The following USP25 variants were observed in gnomAD, a reference collection of about 807,000 sequenced individuals.
The protein encoded by USP25 is ubiquitin carboxyl-terminal hydrolase 25.
Under a neutral mutation model 158.5 loss-of-function variants are expected in USP25, and 85 were observed. The observed-to-expected ratio is 0.54, with a 90% CI of 0.45 to 0.64. USP25 has a LOEUF of 0.64. Ranked by LOEUF, USP25 falls within the 30% of genes least tolerant of loss-of-function variation. USP25 has a pLI of 0.00. For synonymous variants in USP25, 464 were observed against 460.4 expected, an observed-to-expected ratio of 1.01 and a Z score of -0.10; for missense variants, 1,242 against 1,327.3, an observed-to-expected ratio of 0.94 and a Z score of 1.00.
At chr21:15,768,064 T>C (rs559123260) in intron 3 of USP25, among the ~76,000 whole-genome samples, 2 of 152,110 alleles carry the variant, frequency 1.3e-5, no homozygotes, top group Non-Finnish European at 2.9e-5. Context: ...TTTTGTGTGT[T>C]TGTGGATCTC....
rs1311371877 is a variant in USP25 at position 15,843,459 on chromosome 21, T to G, written c.2337+919T>G. ...ATAAGACTTCCTTTAGCCAAAATGTTCAAGAGATATGGTACTCTGTTAATT... is the reference window on the plus strand; with the variant it reads ...ATAAGACTTCCTTTAGCCAAAATGTGCAAGAGATATGGTACTCTGTTAATT... On this transcript the variant is annotated intron_variant, in intron 18 of 25. Transcript: ENST00000400183. This position sits in a 1 kb window ranked among gnomAD's most constrained non-coding sequence, Gnocchi z 4.0. 6.6e-6 allele frequency among the ~76,000 whole-genome samples: 1 copy of G among 152,238 alleles called. No homozygotes were observed. Among genetic ancestry groups the G allele is most frequent in the Non-Finnish European group, 1.5e-5 (1 of 68,030 alleles).
intron 4 of USP25, among the ~76,000 whole-genome samples, chr21:15,787,902 A>ACCCCCCCCCCCCCCCC (rs5842545): frequency 1.9e-4 from 16 of 83,648 alleles, no homozygotes; most frequent in Non-Finnish European, 3.9e-4. Context: ...ACACCCCCTC[A>ACCCCCCCCCCCCCCCC]CCCCCCCCCC....
Position 15,791,533 on chromosome 21 carries a change from G to A in USP25, c.424G>A (p.Ala142Thr). 1 of 1,610,206 alleles carries A rather than the reference G, an allele frequency of 6.2e-7. No individual in the cohort carries two copies. Among genetic ancestry groups the A allele is most frequent in the Non-Finnish European group, 8.5e-7 (1 of 1,177,702 alleles). ...TGAAGCCAGCATAGCAGAGAATAAAGCATGTTTGAAGAGGACACCTACAGA... is the reference window on the plus strand; with the variant it reads ...TGAAGCCAGCATAGCAGAGAATAAAACATGTTTGAAGAGGACACCTACAGA... ...VLEASIAENK[A>T]CLKRTPTEVW... Residue 142 changes from alanine to threonine, a missense_variant, in exon 5 of 26, where the codon GCA becomes ACA. Transcript: ENST00000400183.
chr21:15,867,324 AAAT>A (rs568219834), intron 22 of USP25, among the ~76,000 whole-genome samples: 108 of 152,174 alleles, frequency 7.1e-4, no homozygotes, highest in African/African-American at 2.6e-3. Context: ...TAGATTCCCT[AAAT>A]AATTAGTGTA....
At chr21:15,784,133 A>G (rs1032017525) in intron 4 of USP25, among the ~76,000 whole-genome samples, 3 of 152,236 alleles carry the variant, frequency 2.0e-5, no homozygotes, top group Non-Finnish European at 4.4e-5. Flanking sequence ...AAAACTCATC[A>G]ATATAGGTAA....
At position 15,831,348 on chromosome 21, in the gene USP25, G is replaced by T. The variant is rs530199961; in HGVS notation, c.1765-53G>T. ...TTGTTTGTGGGTTTCATGGAATGTG[G>T]TATATAGTAAACTACATAATTGCAG... On this transcript the variant is annotated intron_variant, in intron 15 of 25. Coordinates refer to ENST00000400183, the MANE Select transcript of USP25 (RefSeq NM_001283041.3). 1.3e-5 allele frequency: 19 copies of T among 1,508,918 alleles called. No individual in the cohort carries two copies. The East Asian group carries it at 3.6e-4, about 29-fold the overall frequency. 93.5% of individuals were successfully genotyped at this position (1,508,918 alleles called of 1,614,324 possible).
intron 20 of USP25, among the ~76,000 whole-genome samples, chr21:15,860,048 G>A (rs1159611081): frequency 6.8e-6 from 1 of 148,060 alleles, no homozygotes; most frequent in Non-Finnish European, 1.5e-5. Flanking sequence ...GAATGCAATG[G>A]CACAGTATCG....
chr21:15,824,823 C>T, intron 11 of USP25, 143 bp from the exon 12 acceptor site: 1 of 611,334 alleles, frequency 1.6e-6, no homozygotes, highest in Non-Finnish European at 2.9e-6. Context: ...ACCATGTTGG[C>T]CAGGCTGGTC....
intron 1 of USP25, among the ~76,000 whole-genome samples, chr21:15,752,051 C>T (rs912290125): frequency 6.6e-6 from 1 of 152,240 alleles, no homozygotes; most frequent in Non-Finnish European, 1.5e-5. Flanking sequence ...TCTCCTGCCT[C>T]AGCCTCCCGA....
chr21:15,858,828 T>C (rs1206157162), intron 20 of USP25, among the ~76,000 whole-genome samples: 1 of 151,972 alleles, frequency 6.6e-6, no homozygotes, highest in African/African-American at 2.4e-5. Flanking sequence ...AGATAAGGGT[T>C]TCCAGCTAAA....
chr21:15,797,869 C>T (rs1447897701), intron 5 of USP25, among the ~76,000 whole-genome samples: 1 of 151,138 alleles, frequency 6.6e-6, no homozygotes, highest in Non-Finnish European at 1.5e-5. Context: ...ATTCATATAA[C>T]TTTTATTACA....
chr21:15,787,694 A>G (rs1203308618), intron 4 of USP25, among the ~76,000 whole-genome samples: 1 of 151,978 alleles, frequency 6.6e-6, no homozygotes, highest in East Asian at 1.9e-4. Flanking sequence ...TTGCTTTTTT[A>G]GGAAATCAAA....
At chr21:15,769,986 TA>T (rs2034262548) in intron 3 of USP25, among the ~76,000 whole-genome samples, 2 of 151,976 alleles carry the variant, frequency 1.3e-5, no homozygotes, top group South Asian at 4.1e-4. Context: ...TCTTTTTTTC[TA>T]AAACACCTTG....
At chr21:15,835,304 G>T (rs915048088) in intron 17 of USP25, among the ~76,000 whole-genome samples, 3 of 152,014 alleles carry the variant, frequency 2.0e-5, no homozygotes, top group Non-Finnish European at 4.4e-5. Flanking sequence ...TCTTCATCCT[G>T]TCTGTTTCTC....
chr21:15,879,378 A>G lies in USP25; in HGVS notation c.*903A>G, dbSNP rs2040211840. 6.6e-6 allele frequency: 1 copy of G among 152,476 alleles called. No individual in the cohort carries two copies. Among genetic ancestry groups the G allele is most frequent in the South Asian group, 2.1e-4 (1 of 4,826 alleles). The allele number at this position is 152,476 out of a possible 1,614,324, so 9.4% of individuals were successfully genotyped here. A position where few individuals can be genotyped will look rare whatever the true frequency, so the allele number is the denominator to read the frequency against. ...TATATATTCTTCATAATGGAGGACA[A>G]TGTTTTGCAATATATAAATCATTCT... On this transcript the variant is annotated 3_prime_UTR_variant, in exon 26 of 26. Coordinates refer to ENST00000400183, the MANE Select transcript of USP25 (RefSeq NM_001283041.3).
chr21:15,841,069 A>G (rs1429243271), intron 17 of USP25, among the ~76,000 whole-genome samples: 1 of 152,226 alleles, frequency 6.6e-6, no homozygotes, highest in Non-Finnish European at 1.5e-5. Flanking sequence ...TAATGAGGAC[A>G]TTAAACTTCT....
intron 10 of USP25, among the ~76,000 whole-genome samples, chr21:15,823,166 T>A (rs2037320384): frequency 6.6e-6 from 1 of 152,140 alleles, no homozygotes; most frequent in Non-Finnish European, 1.5e-5. Flanking sequence ...GTTTCGCATA[T>A]TGCAGTTTAT....
At position 15,826,889 on chromosome 21, in the gene USP25, G is replaced by T. The variant is rs1431411829; in HGVS notation, c.1467-88G>T. ...TAAGATTTTTTCTTTTGAATTACAA[G>T]CCAATTTAATACTGTGGGTTTGGCA... On this transcript the variant is annotated intron_variant, in intron 13 of 25. Coordinates refer to ENST00000400183, the MANE Select transcript of USP25 (RefSeq NM_001283041.3). The surrounding 1 kb of genome is among the most constrained non-coding windows in gnomAD (Gnocchi z 4.8). The T allele has an allele frequency of 1.5e-6, 2 of 1,313,648 alleles. No individual in the cohort carries two copies. The highest frequency in any genetic ancestry group is 2.9e-5 in the African/African-American group (2 of 68,014). The allele number at this position is 1,313,648 out of a possible 1,614,324, so 81.4% of individuals were successfully genotyped here. A position where few individuals can be genotyped will look rare whatever the true frequency, so the allele number is the denominator to read the frequency against.
intron 1 of USP25, among the ~76,000 whole-genome samples, chr21:15,752,467 G>T (rs975160289): frequency 1.1e-4 from 17 of 152,052 alleles, no homozygotes; most frequent in African/African-American, 4.1e-4. Context: ...ACCCATCTTG[G>T]CCTCCCAAAG....
Sources: gnomAD v4.1 joint callset for allele counts (sites outside exome capture counted in the v4.1 genomes callset) on GRCh38, gnomAD v4.1.1 for gene constraint, Gnocchi (gnomAD v3.1) non-coding constraint, MANE v1.5 for transcripts, NCBI Gene and HGNC (gene_info 2026-07-23, HGNC 2026-07-21) for gene names.